The following GNAQ variants were observed in gnomAD, a reference collection of about 807,000 sequenced individuals.
GNAQ encodes the protein guanine nucleotide-binding protein G(q) subunit alpha.
Under a neutral mutation model 43.9 loss-of-function variants are expected in GNAQ, and 8 were observed. The observed-to-expected ratio is 0.18, with a 90% CI of 0.11 to 0.33. GNAQ has a LOEUF of 0.33. Ranked by LOEUF, GNAQ falls within the 10% of genes least tolerant of loss-of-function variation. The pLI is 1.00. For synonymous variants in GNAQ, 155 were observed against 170.7 expected, an observed-to-expected ratio of 0.91 and a Z score of 0.71; for missense variants, 158 against 450.8, an observed-to-expected ratio of 0.35 and a Z score of 5.88.
intron 5 of GNAQ, among the ~76,000 whole-genome samples, chr9:77,761,547 G>A (rs1435794478): frequency 1.0e-4 from 14 of 135,724 alleles, no homozygotes; most frequent in Admixed American, 7.8e-4. Flanking sequence ...GGAGGGAGGT[G>A]GGGGGGTCAG....
chr9:77,945,907 A>G (rs915714597), intron 1 of GNAQ, among the ~76,000 whole-genome samples: 4 of 152,172 alleles, frequency 2.6e-5, no homozygotes, highest in African/African-American at 9.7e-5. Flanking sequence ...GAATCACCCA[A>G]GTTTACATCC....
rs895663301 is a variant in GNAQ, at chr9:77,894,773, T to C, written c.321+27388A>G. On this transcript the variant is annotated intron_variant, in intron 2 of 6. Transcript: ENST00000286548. ...CTTGTGATAAAATGGTGAGAATAAA[T>C]ATTATTGTTTTCATTGATCAAGAGC... is the stretch of plus-strand genomic sequence containing the variant. 1.2e-4 allele frequency among the ~76,000 whole-genome samples: 18 copies of C among 151,484 alleles called. No individual in the cohort carries two copies. The South Asian group carries it at 3.6e-3, about 30-fold the overall frequency.
intron 5 of GNAQ, among the ~76,000 whole-genome samples, chr9:77,787,245 G>A (rs997159585): frequency 2.0e-5 from 3 of 152,284 alleles, no homozygotes; most frequent in Non-Finnish European, 4.4e-5. Flanking sequence ...TGAAAAGAAC[G>A]GGGAGGGGAA....
Position 77,718,668 on chromosome 9 carries a change from T to C in GNAQ, c.*2655A>G, listed in dbSNP as rs764476512. ...TGATTCCCTAAAACTGTAACACTTA[T>C]GATCTTGTGATGAGGTTTTCTCTAT... On this transcript the variant is annotated 3_prime_UTR_variant, in exon 7 of 7. Transcript: ENST00000286548. The C allele has an allele frequency of 8.2e-5, 19 of 232,812 alleles. No homozygotes were observed. Among genetic ancestry groups the C allele is most frequent in the African/African-American group, 1.3e-4 (6 of 45,288 alleles). The allele number at this position is 232,812 out of a possible 1,614,324, so 14.4% of individuals were successfully genotyped here.
chr9:77,983,770 G>GA (rs1330442841), intron 1 of GNAQ, among the ~76,000 whole-genome samples: 3 of 151,984 alleles, frequency 2.0e-5, no homozygotes, highest in African/African-American at 7.3e-5. Flanking sequence ...ACCAGCAGGA[G>GA]AATTTAGTGA....
chr9:77,840,589 G>A (rs998033123), intron 2 of GNAQ, among the ~76,000 whole-genome samples: 3 of 151,864 alleles, frequency 2.0e-5, no homozygotes, highest in South Asian at 2.1e-4. Flanking sequence ...CGTTTGCCTC[G>A]GCCTCCCAAA....
At chr9:77,789,754 G>T (rs528816795) in intron 5 of GNAQ, among the ~76,000 whole-genome samples, 1 of 152,042 alleles carries the variant, frequency 6.6e-6, no homozygotes, top group East Asian at 1.9e-4. Flanking sequence ...AGATTATACT[G>T]TATAAATTCA....
intron 2 of GNAQ, among the ~76,000 whole-genome samples, chr9:77,846,147 T>C (rs2117904671): frequency 6.6e-6 from 1 of 152,320 alleles, no homozygotes; most frequent in Non-Finnish European, 1.5e-5. Context: ...TTGCGTAATA[T>C]AATTTAAAAA....
intron 5 of GNAQ, among the ~76,000 whole-genome samples, chr9:77,752,092 ATTC>A (rs1029054960): frequency 2.6e-5 from 4 of 152,228 alleles, no homozygotes; most frequent in African/African-American, 9.6e-5. Context: ...GGAAGGAAAA[ATTC>A]ATTTTTTAAA....
chr9:77,784,704 T>A (rs72734800), intron 5 of GNAQ, among the ~76,000 whole-genome samples: 1 of 152,168 alleles, frequency 6.6e-6, no homozygotes, highest in Non-Finnish European at 1.5e-5. Context: ...CAGAAGTTAT[T>A]TGAAAACAGT....
intron 1 of GNAQ, among the ~76,000 whole-genome samples, chr9:77,985,143 T>C (rs1446972307): frequency 6.6e-6 from 1 of 152,120 alleles, no homozygotes; most frequent in Non-Finnish European, 1.5e-5. Flanking sequence ...ACTCCGTCTC[T>C]ACTAAAAATA....
chr9:77,981,584 G>A (rs1420969599), intron 1 of GNAQ, among the ~76,000 whole-genome samples: 5 of 152,126 alleles, frequency 3.3e-5, no homozygotes, highest in African/African-American at 9.7e-5. Flanking sequence ...GCACTCCCAG[G>A]CTGTATACTC....
intron 2 of GNAQ, among the ~76,000 whole-genome samples, chr9:77,826,123 A>G (rs1338708904): frequency 1.3e-5 from 2 of 152,206 alleles, no homozygotes; most frequent in Admixed American, 1.3e-4. Context: ...ATAGCTTCCC[A>G]CTATTGTCAA....
At position 77,813,510 on chromosome 9, in the gene GNAQ, TACTA is replaced by T. The variant is rs147973790; in HGVS notation, c.476+2102_476+2105del. The stretch of plus-strand genomic sequence containing the variant: ...TAGATATGGCAGCATCCAATCCTCA[TACTA>T]ACTAATGGGTCCATGTCTAGAAATC... On this transcript the variant is annotated intron_variant, in intron 3 of 6. Transcript: ENST00000286548. Among the ~76,000 whole-genome samples the T allele has an allele frequency of 1.9e-3, 289 of 152,270 alleles. 2 individuals carry two copies. In the East Asian group the frequency reaches 0.04, roughly 21 times the overall value.
At chr9:77,803,195 G>A (rs773036704) in intron 3 of GNAQ, among the ~76,000 whole-genome samples, 4 of 152,084 alleles carry the variant, frequency 2.6e-5, no homozygotes, top group Non-Finnish European at 4.4e-5. Context: ...TACTTCTCTC[G>A]GCTATTACTG....
intron 5 of GNAQ, among the ~76,000 whole-genome samples, chr9:77,792,723 T>C (rs1218973317): frequency 1.3e-5 from 2 of 152,168 alleles, no homozygotes; most frequent in Non-Finnish European, 1.5e-5. Context: ...AAAATGTGTA[T>C]TGATAAACAC....
chr9:77,923,879 T>A (rs1829032311), intron 1 of GNAQ, among the ~76,000 whole-genome samples: 1 of 152,180 alleles, frequency 6.6e-6, no homozygotes. Flanking sequence ...ACGCCATCTG[T>A]CCTAAATTCA....
intron 3 of GNAQ, 43 bp downstream of exon 3, chr9:77,815,573 A>G (rs117428349): frequency 3.1e-4 from 400 of 1,300,536 alleles, no homozygotes; most frequent in Non-Finnish European, 4.2e-4. Context: ...TCCACATGGA[A>G]GTAAAGAGAA....
chr9:77,824,127 T>C (rs1827156592), intron 2 of GNAQ, among the ~76,000 whole-genome samples: 1 of 152,188 alleles, frequency 6.6e-6, no homozygotes, highest in South Asian at 2.1e-4. Context: ...GAGAACTATA[T>C]TTTTTCAATA....
Sources: allele counts gnomAD v4.1 joint callset (sites outside exome capture counted in the v4.1 genomes callset), GRCh38; gene constraint gnomAD v4.1.1; transcripts MANE v1.5; gene names NCBI Gene and HGNC (gene_info 2026-07-23, HGNC 2026-07-21).